FETUB: variants seen among roughly 807,000 people sequenced by gnomAD.
The protein encoded by FETUB is fetuin B.
In FETUB, 28 loss-of-function variants were observed where a neutral mutation model predicts 30.9. That is an observed-to-expected ratio of 0.90 (90% CI 0.67 to 1.24). FETUB has a LOEUF of 1.24. FETUB is among the 50% of genes most tolerant of loss of function. FETUB has a pLI of 0.00. For missense variants in FETUB, 469 were observed against 455.3 expected (o/e 1.03, Z -0.27); for synonymous variants, 186 against 175.9 (o/e 1.06, Z -0.45).
chr3:186,646,770 C>T (rs544395262), intron 5 of FETUB, among the ~76,000 whole-genome samples: 31 of 152,308 alleles, frequency 2.0e-4, no homozygotes, highest in Middle Eastern at 3.4e-3. Flanking sequence ...TTTAACTTGG[C>T]ACAATGTGTT....
upstream of FETUB, among the ~76,000 whole-genome samples, chr3:186,637,433 C>T (rs1716807478): frequency 1.3e-5 from 2 of 152,150 alleles, no homozygotes; most frequent in Admixed American, 1.3e-4. Context: ...TTTCTAATTC[C>T]CCAGATGCCT....
rs148979128 is a variant in FETUB, at chr3:186,649,695, T to C, written c.697-1523T>C. Among the ~76,000 whole-genome samples, 179 of 152,278 alleles carry C rather than the reference T, an allele frequency of 1.2e-3. 1 individual carries two copies. The highest frequency in any genetic ancestry group is 3.7e-3 in the Admixed American group (57 of 15,290). On this transcript the variant is annotated intron_variant, in intron 5 of 6. Coordinates refer to ENST00000265029, the MANE Select transcript of FETUB (RefSeq NM_014375.3). ...CCTGTTGACCAGGCTGGTCTCGAAC[T>C]CCTAACCTCAAGTGATCCTCCTGCC... is the stretch of plus-strand genomic sequence containing the variant.
chr3:186,646,626 G>A lies in FETUB; in HGVS notation c.696+277G>A, dbSNP rs534249329. Among the ~76,000 whole-genome samples, 15 of 152,240 alleles carry A rather than the reference G, an allele frequency of 9.9e-5. No homozygotes were observed. In the East Asian group the frequency reaches 2.1e-3, roughly 22 times the overall value. ...CTTCAGTCTAACACAATCCAATTAC[G>A]TTTGTAATATAGCATGGTGTTCCAT... On this transcript the variant is annotated intron_variant, in intron 5 of 6. Coordinates refer to ENST00000265029, the MANE Select transcript of FETUB (RefSeq NM_014375.3).
At position 186,646,143 on chromosome 3, in the gene FETUB, C is replaced by T. The variant is rs1717514243; in HGVS notation, c.595-105C>T. ...ACAACAGATATGTGCCTTGACAATG[C>T]CTCTGGTGACATATTGTTTCTGTAG... is the stretch of plus-strand genomic sequence containing the variant. On this transcript the variant is annotated intron_variant, in intron 4 of 6. Coordinates refer to ENST00000265029, the MANE Select transcript of FETUB (RefSeq NM_014375.3). 9 of 742,378 alleles carry T rather than the reference C, an allele frequency of 1.2e-5. No individual in the cohort carries two copies. In the South Asian group the frequency reaches 1.5e-4, roughly 12 times the overall value. The allele number at this position is 742,378 out of a possible 1,614,324, so 46.0% of individuals were successfully genotyped here.
chr3:186,645,403 C>T (rs1377332846), intron 4 of FETUB, among the ~76,000 whole-genome samples: 1 of 152,056 alleles, frequency 6.6e-6, no homozygotes, highest in East Asian at 1.9e-4. Context: ...GAGACAGAGA[C>T]ACTCTGTCAC....
rs73886004 is a variant in FETUB at position 186,646,280 on chromosome 3, C to T, written c.627C>T (p.Tyr209=). ...WVVGPSYFVE[Y]LIKESPCTKS... ...TCGGCCCTTCTTACTTTGTGGAATACTTAATTAAAGAATCACCATGTACTA... is the reference window on the plus strand; with the variant it reads ...TCGGCCCTTCTTACTTTGTGGAATATTTAATTAAAGAATCACCATGTACTA... The change falls in exon 5 of 7, where the codon TAC becomes TAT. Residue 209 remains tyrosine (Y), a synonymous_variant. Transcript: ENST00000265029. 4.5e-3 allele frequency: 7,247 copies of T among 1,613,784 alleles called. 286 individuals carry two copies. In the African/African-American group the frequency reaches 0.085, roughly 19 times the overall value.
intron 6 of FETUB, chr3:186,651,565 A>G: frequency 2.3e-6 from 1 of 432,618 alleles, no homozygotes; most frequent in East Asian, 4.2e-5. Context: ...CCTCTGAGAC[A>G]TTAAATTCAG....
chr3:186,644,904 C>A lies in FETUB; in HGVS notation c.578C>A (p.Thr193Asn). 1 of 1,612,638 alleles carries A rather than the reference C, an allele frequency of 6.2e-7. No homozygotes were observed. The highest frequency in any genetic ancestry group is 1.1e-5 in the South Asian group (1 of 90,742). Residue 193 changes from threonine (T) to asparagine (N), a missense_variant, in exon 4 of 7, where the codon ACC becomes AAC. Transcript: ENST00000265029. ...TSKQYSLFKVTRASSQWVVGP... is the reference protein window; with the variant it reads ...TSKQYSLFKVNRASSQWVVGP... The stretch of plus-strand genomic sequence containing the variant: ...AAGCAGTATTCTCTCTTCAAAGTCA[C>A]CAGGGCTTCTAGCCAGGTAAGGCTA...
intron 2 of FETUB, 56 bp downstream of exon 2, chr3:186,641,196 C>T: frequency 1.9e-6 from 2 of 1,038,606 alleles, no homozygotes; most frequent in Middle Eastern, 2.0e-4. Flanking sequence ...AGTAGGTACA[C>T]TCTTTCTACA....
chr3:186,642,227 G>A (rs1385553809), intron 2 of FETUB: 4 of 438,508 alleles, frequency 9.1e-6, no homozygotes, highest in Non-Finnish European at 1.6e-5. Flanking sequence ...TCACCTTCCT[G>A]TGGTTAGAAC....
chr3:186,645,048 C>T, intron 4 of FETUB, 128 bp downstream of exon 4: 8 of 662,616 alleles, frequency 1.2e-5, no homozygotes, highest in Non-Finnish European at 1.7e-5. Flanking sequence ...CTCTACTTTC[C>T]CCACTTTGAT....
chr3:186,644,913 C>A lies in FETUB; in HGVS notation c.587C>A (p.Ser196Tyr), dbSNP rs774885834. ...QYSLFKVTRA[S>Y]SQWVVGPSYF... ...TCTCTCTTCAAAGTCACCAGGGCTT[C>A]TAGCCAGGTAAGGCTAAAACTGCCC... The change falls in exon 4 of 7, where the codon TCT becomes TAT. Residue 196 changes from serine (S) to tyrosine (Y), a missense_variant. Transcript: ENST00000265029. 1 of 1,611,980 alleles carries A rather than the reference C, an allele frequency of 6.2e-7. No homozygotes were observed. Among genetic ancestry groups the A allele is most frequent in the South Asian group, 1.1e-5 (1 of 90,602 alleles).
intron 3 of FETUB, among the ~76,000 whole-genome samples, chr3:186,643,670 G>A (rs552475093): frequency 6.6e-6 from 1 of 152,358 alleles, no homozygotes; most frequent in African/African-American, 2.4e-5. Context: ...AAGTATCAGA[G>A]CTATGGGAGG....
intron 6 of FETUB, chr3:186,651,564 C>T (rs771107895): frequency 5.3e-5 from 23 of 431,416 alleles, no homozygotes; most frequent in Non-Finnish European, 8.0e-5. Flanking sequence ...GCCTCTGAGA[C>T]ATTAAATTCA....
Position 186,646,281 on chromosome 3 carries a change from T to C in FETUB, c.628T>C (p.Leu210=), listed in dbSNP as rs150905870. The C allele has an allele frequency of 2.2e-5, 36 of 1,613,984 alleles. No homozygotes were observed. In the African/African-American group the frequency reaches 3.9e-4, roughly 17 times the overall value. Residue 210 remains leucine, a synonymous_variant, in exon 5 of 7, where the codon TTA becomes CTA. Transcript: ENST00000265029. ...CGGCCCTTCTTACTTTGTGGAATAC[T>C]TAATTAAAGAATCACCATGTACTAA... is the stretch of plus-strand genomic sequence containing the variant. ...VVGPSYFVEY[L]IKESPCTKSQ...
At chr3:186,647,212 A>G (rs1350188019) in intron 5 of FETUB, 1 of 152,210 alleles carries the variant, frequency 6.6e-6, no homozygotes, top group African/African-American at 2.4e-5. Context: ...TATGCAAATA[A>G]TATTTTATTG....
chr3:186,637,586 T>G (rs1163421936), upstream of FETUB, among the ~76,000 whole-genome samples: 1 of 152,262 alleles, frequency 6.6e-6, no homozygotes, highest in Non-Finnish European at 1.5e-5. Flanking sequence ...GGGAGCCCCC[T>G]GCCTCTCCCT....
At position 186,646,256 on chromosome 3, in the gene FETUB, C is replaced by T. The variant is rs764885301; in HGVS notation, c.603C>T (p.Val201=). Residue 201 remains valine, a synonymous_variant, in exon 5 of 7, where the codon GTC becomes GTT. Transcript: ENST00000265029. The part of the protein sequence containing the change: ...KVTRASSQWV[V]GPSYFVEYLI... ...CTCTTGTCTCATAACAGTGGGTGGT[C>T]GGCCCTTCTTACTTTGTGGAATACT... 6.8e-6 allele frequency: 11 copies of T among 1,611,942 alleles called. No homozygotes were observed. Among genetic ancestry groups the T allele is most frequent in the Admixed American group, 1.7e-5 (1 of 59,974 alleles).
Position 186,652,661 on chromosome 3 carries a change from G to A in FETUB, c.*30G>A. On this transcript the variant is annotated 3_prime_UTR_variant, in exon 7 of 7. Transcript: ENST00000265029. ...CACACAGAGTCTTCTGTAGGGGTATGGTGCGCCGCATGACATGGGAGGCGA... is the reference window on the plus strand; with the variant it reads ...CACACAGAGTCTTCTGTAGGGGTATAGTGCGCCGCATGACATGGGAGGCGA... The A allele has an allele frequency of 6.4e-7, 1 of 1,563,944 alleles. No homozygotes were observed. The highest frequency in any genetic ancestry group is 1.2e-5 in the South Asian group (1 of 82,858).
Sources: gnomAD v4.1 joint callset for allele counts (sites outside exome capture counted in the v4.1 genomes callset) on GRCh38, gnomAD v4.1.1 for gene constraint, MANE v1.5 for transcripts, NCBI Gene and HGNC (gene_info 2026-07-23, HGNC 2026-07-21) for gene names.